The following GABRA1 variants were observed in gnomAD, a reference collection of about 807,000 sequenced individuals.
The protein encoded by GABRA1 is gamma-aminobutyric acid type A receptor subunit alpha1.
A neutral mutation model predicts 48.9 loss-of-function variants in GABRA1; 9 were observed. The ratio of observed to expected loss-of-function variants is 0.18; its 90% CI spans 0.11 to 0.32. The LOEUF (loss-of-function observed/expected upper bound fraction) is 0.32. Among genes scored for constraint, GABRA1 ranks in the 10% least tolerant of loss-of-function variants. The pLI is 1.00. For synonymous variants in GABRA1, 210 were observed against 198.7 expected, an observed-to-expected ratio of 1.06 and a Z score of -0.48; for missense variants, 285 against 553.8, an observed-to-expected ratio of 0.51 and a Z score of 4.87.
At chr5:161,873,615 A>G (rs1754220156) in intron 5 of GABRA1, among the ~76,000 whole-genome samples, 1 of 152,070 alleles carries the variant, frequency 6.6e-6, no homozygotes, top group African/African-American at 2.4e-5. Flanking sequence ...CTACTATAAA[A>G]CTCATATATT....
chr5:161,865,374 T>A lies in GABRA1; in HGVS notation c.188-347T>A, dbSNP rs910637281. Among the ~76,000 whole-genome samples the A allele has an allele frequency of 7.9e-5, 12 of 152,124 alleles. 1 individual carries two copies. The highest frequency in any genetic ancestry group is 7.9e-4 in the Admixed American group (12 of 15,246). The stretch of plus-strand genomic sequence containing the variant: ...GATCTGTCTAGCCATGTAAAAATAC[T>A]TAAGCTTAAGCTATACCAACATGTT... On this transcript the variant is annotated intron_variant, in intron 3 of 9. Coordinates refer to ENST00000393943, the MANE Select transcript of GABRA1 (RefSeq NM_001127644.2).
intron 1 of GABRA1, chr5:161,848,996 G>A (rs1056719196): frequency 1.3e-5 from 6 of 455,346 alleles, no homozygotes; most frequent in Middle Eastern, 3.3e-4. Context: ...TTCTGAACAC[G>A]AAAACTCAAC....
At chr5:161,891,093 G>A (rs1230097598) in intron 8 of GABRA1, 43 bp downstream of exon 8, 4 of 1,563,588 alleles carry the variant, frequency 2.6e-6, no homozygotes, top group South Asian at 2.2e-5. Context: ...GGGTATGGAA[G>A]ACAAGTTATG....
chr5:161,875,151 A>G (rs956588334), intron 5 of GABRA1, among the ~76,000 whole-genome samples: 13 of 152,160 alleles, frequency 8.5e-5, no homozygotes, highest in Non-Finnish European at 1.6e-4. Context: ...ATGCACTTAG[A>G]ACAGGAGAAA....
chr5:161,891,832 C>T (rs926517640), intron 8 of GABRA1, among the ~76,000 whole-genome samples: 1 of 152,128 alleles, frequency 6.6e-6, no homozygotes, highest in East Asian at 1.9e-4. Flanking sequence ...AATCACCACT[C>T]TCGTTATGAA....
chr5:161,893,009 A>ATT (rs1554087334), intron 8 of GABRA1, among the ~76,000 whole-genome samples: 5 of 122,432 alleles, frequency 4.1e-5, no homozygotes, highest in Non-Finnish European at 8.1e-5. Context: ...CTTCTCAAAA[A>ATT]AATAATAATA....
intron 9 of GABRA1, among the ~76,000 whole-genome samples, chr5:161,896,188 G>T (rs1328906865): frequency 6.6e-6 from 1 of 152,070 alleles, no homozygotes; most frequent in Non-Finnish European, 1.5e-5. Context: ...AATAAACTTA[G>T]TCAAATCCTT....
At position 161,897,855 on chromosome 5, in the gene GABRA1, G is replaced by C. The variant is rs140183311; in HGVS notation, c.*433G>C. 78 of 156,434 alleles carry C rather than the reference G, an allele frequency of 5.0e-4. 3 individuals carry two copies. The East Asian group carries it at 0.014, about 28-fold the overall frequency. The allele number at this position is 156,434 out of a possible 1,614,324, so 9.7% of individuals were successfully genotyped here. A position where few individuals can be genotyped will look rare whatever the true frequency, so the allele number is the denominator to read the frequency against. On this transcript the variant is annotated 3_prime_UTR_variant, in exon 10 of 10. Transcript: ENST00000393943. ...AAAGGGTAAATTATAAATGTTTCAT[G>C]AAGAAAAAATTTTAAAAATCTACGT...
intron 1 of GABRA1, chr5:161,850,547 C>A: frequency 1.7e-6 from 1 of 580,692 alleles, no homozygotes; most frequent in Non-Finnish European, 3.1e-6. Context: ...ATACTGTCAC[C>A]TGAAAGCGTT....
chr5:161,847,520 G>A (rs1012600128), upstream of GABRA1: 2 of 152,150 alleles, frequency 1.3e-5, no homozygotes, highest in African/African-American at 2.4e-5. Flanking sequence ...TACAGAAGAA[G>A]GTGGGGTGGA....
intron 6 of GABRA1, among the ~76,000 whole-genome samples, chr5:161,879,633 T>C (rs1351632549): frequency 6.6e-6 from 1 of 152,214 alleles, no homozygotes; most frequent in Non-Finnish European, 1.5e-5. Flanking sequence ...AGTATATCTG[T>C]ATTCTCCATC....
At chr5:161,858,092 T>C (rs566572156) in intron 3 of GABRA1, among the ~76,000 whole-genome samples, 3 of 150,820 alleles carry the variant, frequency 2.0e-5, no homozygotes, top group Non-Finnish European at 3.0e-5. Flanking sequence ...AAATGAAAAA[T>C]GAGAGGAATT....
intron 6 of GABRA1, among the ~76,000 whole-genome samples, chr5:161,876,539 G>A (rs1168123353): frequency 6.6e-6 from 1 of 152,150 alleles, no homozygotes; most frequent in African/African-American, 2.4e-5. Flanking sequence ...GGTAGTGTAG[G>A]AAGACAGAAA....
chr5:161,882,388 A>C, intron 6 of GABRA1, 170 bp from the exon 7 acceptor site: 1 of 645,074 alleles, frequency 1.6e-6, no homozygotes, highest in Non-Finnish European at 2.7e-6. Flanking sequence ...AAAAAAAAAA[A>C]ATCAGAAAAC....
chr5:161,875,509 A>G, intron 5 of GABRA1, 51 bp from the exon 6 acceptor site: 1 of 1,388,628 alleles, frequency 7.2e-7, no homozygotes, highest in Non-Finnish European at 1.0e-6. Flanking sequence ...GTACTTATCA[A>G]GAAGTATCTA....
At chr5:161,895,224 A>T (rs923505552) in intron 8 of GABRA1, among the ~76,000 whole-genome samples, 1 of 152,142 alleles carries the variant, frequency 6.6e-6, no homozygotes, top group African/African-American at 2.4e-5. Flanking sequence ...AAAGTCATTC[A>T]CTTTCTGGTT....
At chr5:161,853,398 G>T (rs969728551) in intron 2 of GABRA1, among the ~76,000 whole-genome samples, 15 of 151,822 alleles carry the variant, frequency 9.9e-5, no homozygotes, top group Non-Finnish European at 1.8e-4. Flanking sequence ...TAGGTTCTAG[G>T]TCAAGGTTTG....
At chr5:161,874,030 T>G (rs1754238246) in intron 5 of GABRA1, among the ~76,000 whole-genome samples, 1 of 152,174 alleles carries the variant, frequency 6.6e-6, no homozygotes, top group Non-Finnish European at 1.5e-5. Context: ...TATGAGAAAT[T>G]AAGAATTGTC....
chr5:161,899,724 G>A lies in GABRA1; in HGVS notation c.*2302G>A, dbSNP rs1343987138. ...TAGTTAAGTCTTCCTTGAAAATAAA[G>A]ATACACTCTTATAGGGGACAGTTCC... On this transcript the variant is annotated 3_prime_UTR_variant, in exon 10 of 10. Transcript: ENST00000393943. 2.0e-5 allele frequency: 3 copies of A among 152,122 alleles called. No homozygotes were observed. Among genetic ancestry groups the A allele is most frequent in the African/African-American group, 4.8e-5 (2 of 41,440 alleles). 9.4% of individuals were successfully genotyped at this position (152,122 alleles called of 1,614,324 possible). A position where few individuals can be genotyped will look rare whatever the true frequency, so the allele number is the denominator to read the frequency against.
Sources: gnomAD v4.1 joint callset for allele counts (sites outside exome capture counted in the v4.1 genomes callset) on GRCh38, gnomAD v4.1.1 for gene constraint, MANE v1.5 for transcripts, NCBI Gene and HGNC (gene_info 2026-07-23, HGNC 2026-07-21) for gene names.